Variants in KLHL2 observed in about 807,000 individuals in gnomAD.
The protein encoded by KLHL2 is kelch-like protein 2.
A neutral mutation model predicts 75.8 loss-of-function variants in KLHL2; 15 were observed. The ratio of observed to expected loss-of-function variants is 0.20; its 90% CI spans 0.13 to 0.30. The LOEUF is 0.30. Among genes scored for constraint, KLHL2 ranks in the 10% least tolerant of loss-of-function variants. The probability of loss-of-function intolerance (pLI) is 1.00; values close to 1 mark genes in which losing one functional copy is unlikely to be tolerated. For missense variants in KLHL2, 381 were observed against 741.0 expected (o/e 0.51, Z 5.64); for synonymous variants, 214 against 251.9 (o/e 0.85, Z 1.42).
intron 3 of KLHL2, among the ~76,000 whole-genome samples, chr4:165,236,615 A>T (rs915135789): frequency 6.6e-6 from 1 of 152,248 alleles, no homozygotes; most frequent in African/African-American, 2.4e-5. Context: ...GCAAAAACTA[A>T]GGTAATAATG....
At chr4:165,307,043 G>T (rs1335384521) in intron 9 of KLHL2, among the ~76,000 whole-genome samples, 1 of 152,120 alleles carries the variant, frequency 6.6e-6, no homozygotes, top group African/African-American at 2.4e-5. Context: ...GGCGCAGTGG[G>T]TCATGCCTGT....
chr4:165,313,302 C>T lies in KLHL2; in HGVS notation c.1404C>T (p.Cys468=), dbSNP rs983968200. The change falls in exon 12 of 15, where the codon TGC becomes TGT. Residue 468 remains cysteine (C), a synonymous_variant. Transcript: ENST00000226725. ...ASRQCLSTVE[C]YNATTNEWTY... ...GTCAGTGTCTTAGCACAGTAGAATGCTATAATGCTACAACAAATGAGTGGA... is the reference window on the plus strand; with the variant it reads ...GTCAGTGTCTTAGCACAGTAGAATGTTATAATGCTACAACAAATGAGTGGA... 14 of 1,595,086 alleles carry T rather than the reference C, an allele frequency of 8.8e-6. No homozygotes were observed. Among genetic ancestry groups the T allele is most frequent in the Non-Finnish European group, 1.1e-5 (13 of 1,172,546 alleles).
At chr4:165,209,737 T>C (rs942048017) in intron 1 of KLHL2, among the ~76,000 whole-genome samples, 1 of 152,258 alleles carries the variant, frequency 6.6e-6, no homozygotes, top group African/African-American at 2.4e-5. Flanking sequence ...CTCCTTTCAA[T>C]CAGGGGTGGC....
intron 5 of KLHL2, among the ~76,000 whole-genome samples, chr4:165,264,721 CATATATATATATATATATGTATATAT>C (rs1462645589): frequency 1.8e-4 from 13 of 71,196 alleles, no homozygotes; most frequent in Non-Finnish European, 2.6e-4. Context: ...TATATATATA[CATATATATATATATATATGTATATAT>C]ATATATATAT....
intron 5 of KLHL2, among the ~76,000 whole-genome samples, chr4:165,269,564 T>C (rs1406180009): frequency 6.6e-6 from 1 of 151,200 alleles, no homozygotes; most frequent in Admixed American, 6.6e-5. Context: ...ATTTCTCCTT[T>C]ACTTATGAAG....
At chr4:165,299,850 TG>T (rs1386891374) in intron 8 of KLHL2, among the ~76,000 whole-genome samples, 194 bp downstream of exon 8, 1 of 152,228 alleles carries the variant, frequency 6.6e-6, no homozygotes, top group Non-Finnish European at 1.5e-5. Flanking sequence ...GGGGATTCTT[TG>T]GTCCGTTTAA....
chr4:165,305,438 C>T (rs1343155702), intron 8 of KLHL2, among the ~76,000 whole-genome samples, 170 bp from the exon 9 acceptor site: 2 of 152,048 alleles, frequency 1.3e-5, no homozygotes, highest in Non-Finnish European at 2.9e-5. Context: ...ACGTGTGTCC[C>T]CTTGGTTGAT....
At position 165,244,439 on chromosome 4, in the gene KLHL2, T is replaced by C. The variant is rs555004082; in HGVS notation, c.381+5540T>C. 2.0e-5 allele frequency among the ~76,000 whole-genome samples: 3 copies of C among 152,218 alleles called. No individual in the cohort carries two copies. In the South Asian group the frequency reaches 6.2e-4, roughly 32 times the overall value. On this transcript the variant is annotated intron_variant, in intron 4 of 14. Transcript: ENST00000226725. ...GGAGAGAATTGGTTCATCAGGTGAG[T>C]AGGTAAAGTAGATTTTGGTGAAGAG...
Position 165,207,727 on chromosome 4 carries a change from CAGGTGG to C in KLHL2, c.-149_-144del. ...GCCATGGCCGCGGGGGCCGCCGCCG[CAGGTGG>C]TGGCGCGCGGTGAGGAGAGCGCGGC... On this transcript the variant is annotated 5_prime_UTR_variant, in exon 1 of 15. Coordinates refer to ENST00000226725, the MANE Select transcript of KLHL2 (RefSeq NM_007246.4). This position sits in a 1 kb window ranked among gnomAD's most constrained non-coding sequence, Gnocchi z 4.2. 1 of 385,026 alleles carries C rather than the reference CAGGTGG, an allele frequency of 2.6e-6. No homozygotes were observed. The highest frequency in any genetic ancestry group is 8.9e-5 in the South Asian group (1 of 11,262). 23.9% of individuals were successfully genotyped at this position (385,026 alleles called of 1,614,324 possible).
At chr4:165,278,232 A>T in intron 5 of KLHL2, 1 of 1,155,486 alleles carries the variant, frequency 8.7e-7, no homozygotes, top group Non-Finnish European at 1.3e-6. Context: ...TCAAGACTCC[A>T]TACGTCGACT....
chr4:165,274,754 G>A (rs1397088904), intron 5 of KLHL2, among the ~76,000 whole-genome samples: 3 of 152,164 alleles, frequency 2.0e-5, no homozygotes, highest in Admixed American at 1.3e-4. Flanking sequence ...AATTGTACAG[G>A]TATAATGAAA....
chr4:165,315,604 A>G (rs1692106532), intron 13 of KLHL2, among the ~76,000 whole-genome samples: 1 of 152,232 alleles, frequency 6.6e-6, no homozygotes, highest in African/African-American at 2.4e-5. Context: ...GTATAATCCA[A>G]TTGAGCATAT....
intron 13 of KLHL2, among the ~76,000 whole-genome samples, chr4:165,315,715 C>T (rs1361469326): frequency 6.6e-6 from 1 of 152,180 alleles, no homozygotes; most frequent in African/African-American, 2.4e-5. Flanking sequence ...CTGTTCAGCT[C>T]TTCCTTTTTA....
At chr4:165,214,039 G>T (rs564797125) in intron 1 of KLHL2, among the ~76,000 whole-genome samples, 19 of 152,230 alleles carry the variant, frequency 1.2e-4, no homozygotes, top group Admixed American at 6.5e-4. Flanking sequence ...GCCCAGAGAG[G>T]CTAAGTGACT....
chr4:165,220,097 G>A lies in KLHL2; in HGVS notation c.152+38G>A, dbSNP rs372297674. On this transcript the variant is annotated intron_variant, in intron 2 of 14. Transcript: ENST00000226725. ...TAATGTACATGCAACCATTGGTTTC[G>A]TCCCTTTATTTTTCAGTTGTTTGTA... 4.0e-4 allele frequency: 624 copies of A among 1,572,020 alleles called. 1 individual carries two copies. In the African/African-American group the frequency reaches 6.1e-3, roughly 15 times the overall value.
At chr4:165,264,721 C>CACACAT (rs1742051135) in intron 5 of KLHL2, among the ~76,000 whole-genome samples, 1 of 71,196 alleles carries the variant, frequency 1.4e-5, no homozygotes, top group South Asian at 6.5e-4. Context: ...TATATATATA[C>CACACAT]ATATATATAT....
chr4:165,219,523 C>T (rs559508878), intron 1 of KLHL2: 242 of 215,224 alleles, frequency 1.1e-3, no homozygotes, highest in African/African-American at 5.4e-3. Flanking sequence ...AAATCAGATT[C>T]TAAGTTTCTG....
intron 5 of KLHL2, among the ~76,000 whole-genome samples, chr4:165,271,321 T>A (rs1465444928): frequency 6.6e-6 from 1 of 152,232 alleles, no homozygotes; most frequent in African/African-American, 2.4e-5. Flanking sequence ...CATCTATGAT[T>A]TCTTTAAGCA....
intron 5 of KLHL2, among the ~76,000 whole-genome samples, chr4:165,275,673 C>G (rs556310817): frequency 4.5e-4 from 68 of 152,306 alleles, no homozygotes; most frequent in African/African-American, 1.6e-3. Flanking sequence ...AACTCCTGGC[C>G]TTAAGCAGTC....
Sources: gnomAD v4.1 joint callset for allele counts (sites outside exome capture counted in the v4.1 genomes callset) on GRCh38, gnomAD v4.1.1 for gene constraint, Gnocchi (gnomAD v3.1) non-coding constraint, MANE v1.5 for transcripts, NCBI Gene and HGNC (gene_info 2026-07-23, HGNC 2026-07-21) for gene names.